WDR89: variants seen among roughly 807,000 people sequenced by gnomAD.
WDR89 encodes the protein WD repeat domain 89.
Under a neutral mutation model 29.1 loss-of-function variants are expected in WDR89, and 17 were observed. That is an observed-to-expected ratio of 0.58 (90% CI 0.40 to 0.88). The LOEUF (loss-of-function observed/expected upper bound fraction) is 0.88, where lower values mean the gene tolerates loss of function less well. Ranked by LOEUF, WDR89 falls within the 40% of genes least tolerant of loss-of-function variation. The pLI, the probability that WDR89 is intolerant of heterozygous loss-of-function variation, is 0.00. For missense variants in WDR89, 396 were observed against 456.3 expected (o/e 0.87, Z 1.20); for synonymous variants, 138 against 157.8 (o/e 0.87, Z 0.94).
At chr14:63,629,111 G>A (rs1437629599) in intron 1 of WDR89, among the ~76,000 whole-genome samples, 2 of 152,102 alleles carry the variant, frequency 1.3e-5, no homozygotes, top group Non-Finnish European at 2.9e-5. Flanking sequence ...TGCAACCCAA[G>A]CTTAGTAGAA....
chr14:63,632,625 T>G (rs1883482723), intron 1 of WDR89, among the ~76,000 whole-genome samples: 1 of 150,632 alleles, frequency 6.6e-6, no homozygotes, highest in South Asian at 2.1e-4. Context: ...AGAGCAAGAC[T>G]CCGTCTCAAA....
At chr14:63,625,178 A>T (rs1195276177) in intron 1 of WDR89, 145 bp from the exon 2 acceptor site, 1 of 152,226 alleles carries the variant, frequency 6.6e-6, no homozygotes, top group Non-Finnish European at 1.5e-5. Context: ...TCTGCAAGAA[A>T]AAAGGAACTA....
chr14:63,601,768 A>G, intron 2 of WDR89: 1 of 1,299,726 alleles, frequency 7.7e-7, no homozygotes, highest in Non-Finnish European at 1.1e-6. Flanking sequence ...GACAAGGATT[A>G]TTTCCTATTT....
chr14:63,627,123 A>AACACACACACACACACAC (rs756971522), intron 1 of WDR89, among the ~76,000 whole-genome samples: 9 of 122,790 alleles, frequency 7.3e-5, no homozygotes, highest in African/African-American at 2.4e-4. Context: ...TTTGTCTCTA[A>AACACACACACACACACAC]ACACACACAC....
Position 63,598,966 on chromosome 14 carries a change from G to A in WDR89, c.977C>T (p.Ser326Phe), listed in dbSNP as rs1390468504. Residue 326 changes from serine to phenylalanine, a missense_variant, in exon 3 of 3, where the codon TCT becomes TTT. Coordinates refer to ENST00000620954, the MANE Select transcript of WDR89 (RefSeq NM_080666.4). Reference sequence around the variant, plus strand: ...ATCATCTTGCACATTCCAACAGAAAGAACGGACTGTAGCAGCATGCCCTCC... The same window carrying A: ...ATCATCTTGCACATTCCAACAGAAAAAACGGACTGTAGCAGCATGCCCTCC... The part of the protein sequence containing the change: ...LQGGHAATVR[S>F]FCWNVQDDSL... 1.2e-6 allele frequency: 2 copies of A among 1,614,186 alleles called. No individual in the cohort carries two copies. The highest frequency in any genetic ancestry group is 1.7e-6 in the Non-Finnish European group (2 of 1,180,032).
chr14:63,638,380 A>G (rs1053454784), intron 1 of WDR89, among the ~76,000 whole-genome samples: 2 of 152,252 alleles, frequency 1.3e-5, no homozygotes, highest in African/African-American at 4.8e-5. Context: ...TGAGCCCAAG[A>G]GTTTGAGTCC....
chr14:63,603,188 A>G (rs1401465105), intron 2 of WDR89, among the ~76,000 whole-genome samples: 1 of 152,120 alleles, frequency 6.6e-6, no homozygotes, highest in Non-Finnish European at 1.5e-5. Context: ...CGCACACACA[A>G]AAAGTTCTAA....
chr14:63,613,192 C>T (rs1327435471), intron 2 of WDR89, among the ~76,000 whole-genome samples: 1 of 152,188 alleles, frequency 6.6e-6, no homozygotes, highest in African/African-American at 2.4e-5. Context: ...GAAAGGCTAT[C>T]TGCTGATCAG....
chr14:63,612,139 A>G (rs186519881), intron 2 of WDR89, among the ~76,000 whole-genome samples: 24 of 152,182 alleles, frequency 1.6e-4, no homozygotes, highest in Non-Finnish European at 3.1e-4. Flanking sequence ...GGTCAAACTC[A>G]TCTCTAGACC....
rs534887965 is a variant in WDR89, at chr14:63,613,208, C to T, written c.-32+11720G>A. On this transcript the variant is annotated intron_variant, in intron 2 of 2. Coordinates refer to ENST00000620954, the MANE Select transcript of WDR89 (RefSeq NM_080666.4). ...AAAGGCTATCTGCTGATCAGGAAAACCTACATTTGGCTGCATCAGTCAATC... is the reference window on the plus strand; with the variant it reads ...AAAGGCTATCTGCTGATCAGGAAAATCTACATTTGGCTGCATCAGTCAATC... Among the ~76,000 whole-genome samples the T allele has an allele frequency of 1.4e-3, 206 of 152,224 alleles. 5 individuals are homozygous for T. Among genetic ancestry groups the T allele is most frequent in the Middle Eastern group, 6.8e-3 (2 of 294 alleles).
intron 1 of WDR89, among the ~76,000 whole-genome samples, chr14:63,637,376 G>A (rs917515985): frequency 3.3e-5 from 5 of 152,120 alleles, no homozygotes; most frequent in African/African-American, 9.7e-5. Context: ...GAATTAAAAA[G>A]CAGAACTAAC....
At chr14:63,608,918 T>C (rs975915350) in intron 2 of WDR89, among the ~76,000 whole-genome samples, 2 of 152,088 alleles carry the variant, frequency 1.3e-5, no homozygotes, top group African/African-American at 4.8e-5. Flanking sequence ...CTGGCCAACA[T>C]GGTGAAACCC....
intron 2 of WDR89, among the ~76,000 whole-genome samples, chr14:63,605,507 T>A (rs2139500282): frequency 6.6e-6 from 1 of 152,140 alleles, no homozygotes; most frequent in African/African-American, 2.4e-5. Flanking sequence ...TCACCCAGGC[T>A]GTAATGCAGT....
At chr14:63,641,170 A>G (rs1884104783) in intron 1 of WDR89, 1 of 152,174 alleles carries the variant, frequency 6.6e-6, no homozygotes, top group Non-Finnish European at 1.5e-5. Flanking sequence ...TACAAATTAT[A>G]CCATCTTTTA....
intron 1 of WDR89, among the ~76,000 whole-genome samples, chr14:63,629,698 T>A (rs891038231): frequency 6.6e-6 from 1 of 152,202 alleles, no homozygotes; most frequent in Non-Finnish European, 1.5e-5. Context: ...GGAGACGACA[T>A]TGAAGCAAGC....
Position 63,599,868 on chromosome 14 carries a change from G to A in WDR89, c.75C>T (p.Tyr25=). ...TCTTTGATGTGTCTATACCAAGAAG[G>A]TAAGTGGGCTCTTTGGTTCCTAAGG... The part of the protein sequence containing the change: ...KCSLGTKEPT[Y]LLGIDTSKTV... The change falls in exon 3 of 3, where the codon TAC becomes TAT. Residue 25 remains tyrosine, a synonymous_variant. Coordinates refer to ENST00000620954, the MANE Select transcript of WDR89 (RefSeq NM_080666.4). 6.2e-7 allele frequency: 1 copy of A among 1,614,014 alleles called. No homozygotes were observed. The highest frequency in any genetic ancestry group is 8.5e-7 in the Non-Finnish European group (1 of 1,179,972).
At chr14:63,615,383 T>C (rs1018929282) in intron 2 of WDR89, among the ~76,000 whole-genome samples, 2 of 152,236 alleles carry the variant, frequency 1.3e-5, no homozygotes. Flanking sequence ...AATTCTTGAA[T>C]TGGTACTACA....
Position 63,598,726 on chromosome 14 carries a change from A to G in WDR89, c.*53T>C. On this transcript the variant is annotated 3_prime_UTR_variant, in exon 3 of 3. Coordinates refer to ENST00000620954, the MANE Select transcript of WDR89 (RefSeq NM_080666.4). ...ACATGTCTACCATGGGTAGTAAACA[A>G]GAAGGACTATTTGAAACTATAAAAC... 6.8e-7 allele frequency: 1 copy of G among 1,466,128 alleles called. No individual in the cohort carries two copies. The highest frequency in any genetic ancestry group is 1.4e-5 in the South Asian group (1 of 70,948). 90.8% of individuals were successfully genotyped at this position (1,466,128 alleles called of 1,614,324 possible).
At chr14:63,637,543 C>T (rs1055196545) in intron 1 of WDR89, among the ~76,000 whole-genome samples, 1 of 152,024 alleles carries the variant, frequency 6.6e-6, no homozygotes. Flanking sequence ...TGGATAAAGA[C>T]ACTGTGGTGG....
Sources: allele counts gnomAD v4.1 joint callset (sites outside exome capture counted in the v4.1 genomes callset), GRCh38; gene constraint gnomAD v4.1.1; transcripts MANE v1.5; gene names NCBI Gene and HGNC (gene_info 2026-07-23, HGNC 2026-07-21).